Variants in PCDHGA1 observed in about 807,000 individuals in gnomAD.
PCDHGA1 encodes protocadherin gamma-A1.
A neutral mutation model predicts 58.0 loss-of-function variants in PCDHGA1; 32 were observed. The observed-to-expected ratio is 0.55, with a 90% CI of 0.42 to 0.74. The LOEUF (loss-of-function observed/expected upper bound fraction) is 0.74, where lower values mean the gene tolerates loss of function less well. PCDHGA1 is among the 30% of genes least tolerant of loss of function. PCDHGA1 has a pLI of 0.00. For synonymous variants in PCDHGA1, 498 were observed against 501.1 expected (o/e 0.99, Z 0.08); for missense variants, 1,205 against 1,182.3 (o/e 1.02, Z -0.28).
chr5:141,394,177 C>T (rs2092934633), intron 1 of PCDHGA1: 1 of 1,613,912 alleles, frequency 6.2e-7, no homozygotes, highest in East Asian at 2.2e-5. Context: ...TTCCCTCATG[C>T]CTCCTACTCA....
chr5:141,343,332 T>C, intron 1 of PCDHGA1: 1 of 981,772 alleles, frequency 1.0e-6, no homozygotes, highest in South Asian at 4.7e-5. Context: ...TTTTCTTTTT[T>C]TCCTTGTCTC....
chr5:141,340,618 C>T (rs754800627), intron 1 of PCDHGA1: 31 of 1,614,088 alleles, frequency 1.9e-5, no homozygotes, highest in Non-Finnish European at 9.3e-6. Flanking sequence ...TATCATTAAG[C>T]CTGTTCGTGC....
intron 1 of PCDHGA1, chr5:141,355,351 G>C: frequency 1.2e-6 from 2 of 1,614,038 alleles, no homozygotes; most frequent in Non-Finnish European, 1.7e-6. Context: ...CATCGCCAAG[G>C]ACCTGGGGTT....
Position 141,332,553 on chromosome 5 carries a change from G to A in PCDHGA1, c.1869G>A (p.Thr623=), listed in dbSNP as rs757328487. Residue 623 remains threonine, a synonymous_variant, in exon 1 of 4, where the codon ACG becomes ACA. Coordinates refer to ENST00000517417, the MANE Select transcript of PCDHGA1 (RefSeq NM_018912.3). The surrounding 1 kb of genome is among the most constrained non-coding windows in gnomAD (Gnocchi z 4.6). ...GACTCTTCTCGGTGGGTCTGCACAC[G>A]GGCGAGGTGCGCACGGCGCGAGCCC... ...EPGLFSVGLH[T]GEVRTARALL... is the part of the protein sequence containing the mutation. The A allele has an allele frequency of 6.2e-7, 1 of 1,610,394 alleles. No individual in the cohort carries two copies. Among genetic ancestry groups the A allele is most frequent in the South Asian group, 1.1e-5 (1 of 90,820 alleles).
chr5:141,432,281 A>C lies in PCDHGA1; in HGVS notation c.2422-62526A>C, dbSNP rs1313887209. 1 of 1,614,188 alleles carries C rather than the reference A, an allele frequency of 6.2e-7. No individual in the cohort carries two copies. The highest frequency in any genetic ancestry group is 1.1e-5 in the South Asian group (1 of 91,084). On this transcript the variant is annotated intron_variant, in intron 1 of 3. Coordinates refer to ENST00000517417, the MANE Select transcript of PCDHGA1 (RefSeq NM_018912.3). The surrounding 1 kb of genome is among the most constrained non-coding windows in gnomAD (Gnocchi z 6.0). The stretch of plus-strand genomic sequence containing the variant: ...AAGCCTATCGTCCTACGTGTCCATC[A>C]ACTCCGACACTGGGGTACTGTATGC...
chr5:141,418,579 A>G (rs1561774780), intron 1 of PCDHGA1: 1 of 1,614,000 alleles, frequency 6.2e-7, no homozygotes, highest in Admixed American at 1.7e-5. Flanking sequence ...ACAACCCCCC[A>G]GTGTTCAGCC....
chr5:141,431,150 CCTTA>C lies in PCDHGA1; in HGVS notation c.2422-63653_2422-63650del, dbSNP rs1302288904. ...AGTAAGGGACATTAACGACAATGCG[CCTTA>C]CTTTCGTGAAAGTGAATTAGAAATA... On this transcript the variant is annotated intron_variant, in intron 1 of 3. Coordinates refer to ENST00000517417, the MANE Select transcript of PCDHGA1 (RefSeq NM_018912.3). The surrounding 1 kb of genome is among the most constrained non-coding windows in gnomAD (Gnocchi z 4.8). 3 of 1,614,226 alleles carry C rather than the reference CCTTA, an allele frequency of 1.9e-6. No individual in the cohort carries two copies. The highest frequency in any genetic ancestry group is 2.2e-5 in the East Asian group (1 of 44,876).
chr5:141,467,008 A>T (rs1319152720), intron 1 of PCDHGA1, among the ~76,000 whole-genome samples: 1 of 150,270 alleles, frequency 6.7e-6, no homozygotes, highest in African/African-American at 2.4e-5. Context: ...TTGCAATGCA[A>T]TTTTTTTCCC....
chr5:141,430,216 A>G (rs1487666733), intron 1 of PCDHGA1, among the ~76,000 whole-genome samples: 1 of 150,536 alleles, frequency 6.6e-6, no homozygotes, highest in Non-Finnish European at 1.5e-5. Flanking sequence ...TTATTATATT[A>G]TATGATTTGT....
intron 1 of PCDHGA1, chr5:141,399,539 G>A (rs1324095299): frequency 1.2e-6 from 2 of 1,614,050 alleles, no homozygotes; most frequent in Non-Finnish European, 1.7e-6. Flanking sequence ...GCGCAAGTCT[G>A]CGCCTCGGAC....
Position 141,491,636 on chromosome 5 carries a change from C to T in PCDHGA1, c.2422-3171C>T. ...AGACCCCTCAGCGTTCAGCAGCCCA[C>T]AGCTCTGGCGCTGGAGCCTGACGCC... On this transcript the variant is annotated intron_variant, in intron 1 of 3. Coordinates refer to ENST00000517417, the MANE Select transcript of PCDHGA1 (RefSeq NM_018912.3). This position sits in a 1 kb window ranked among gnomAD's most constrained non-coding sequence, Gnocchi z 6.9. 6.2e-7 allele frequency: 1 copy of T among 1,613,922 alleles called. No homozygotes were observed. Among genetic ancestry groups the T allele is most frequent in the Non-Finnish European group, 8.5e-7 (1 of 1,180,020 alleles).
intron 1 of PCDHGA1, chr5:141,427,783 C>T (rs765131117): frequency 1.4e-6 from 2 of 1,460,966 alleles, no homozygotes; most frequent in Non-Finnish European, 1.9e-6. Flanking sequence ...CGGGCACTGT[C>T]GTCCTACGTG....
intron 1 of PCDHGA1, chr5:141,407,971 G>T (rs1399304138): frequency 2.8e-6 from 2 of 717,762 alleles, no homozygotes; most frequent in Non-Finnish European, 4.3e-6. Context: ...AAGCGCTGAC[G>T]CCGGGGATCC....
chr5:141,345,744 G>C (rs780252025), intron 1 of PCDHGA1: 37 of 1,614,082 alleles, frequency 2.3e-5, no homozygotes, highest in Non-Finnish European at 2.9e-5. Context: ...CCCCACAGAC[G>C]GTTCCACTGG....
intron 1 of PCDHGA1, chr5:141,370,952 G>A (rs771842532): frequency 6.2e-7 from 1 of 1,613,990 alleles, no homozygotes; most frequent in East Asian, 2.2e-5. Context: ...AGGAGAACCT[G>A]GATGGCAGTA....
chr5:141,364,281 A>T, intron 1 of PCDHGA1: 2 of 1,516,544 alleles, frequency 1.3e-6, no homozygotes, highest in South Asian at 2.7e-5. Context: ...ATAAATAAGG[A>T]AACAGCAGGC....
intron 1 of PCDHGA1, chr5:141,366,110 G>A (rs780243212): frequency 1.9e-6 from 3 of 1,614,230 alleles, no homozygotes; most frequent in South Asian, 1.1e-5. Flanking sequence ...GGTGGTAGCG[G>A]TGGACAAAGA....
chr5:141,365,181 A>T lies in PCDHGA1; in HGVS notation c.2421+32076A>T, dbSNP rs549713754. ...AAATTGACCTACTCTTTTCGCAATG[A>T]AGAAGAAAAAATTTCGGAGACTTTC... On this transcript the variant is annotated intron_variant, in intron 1 of 3. Transcript: ENST00000517417. The T allele has an allele frequency of 3.0e-5, 48 of 1,613,864 alleles. No homozygotes were observed. The East Asian group carries it at 1.0e-3, about 35-fold the overall frequency.
Position 141,481,350 on chromosome 5 carries a change from T to C in PCDHGA1, c.2422-13457T>C, listed in dbSNP as rs901892475. Among the ~76,000 whole-genome samples, 4 of 152,248 alleles carry C rather than the reference T, an allele frequency of 2.6e-5. No homozygotes were observed. The South Asian group carries it at 8.3e-4, about 32-fold the overall frequency. On this transcript the variant is annotated intron_variant, in intron 1 of 3. Coordinates refer to ENST00000517417, the MANE Select transcript of PCDHGA1 (RefSeq NM_018912.3). The stretch of plus-strand genomic sequence containing the variant: ...CCTGGACAACTATTATTTAAACATC[T>C]ACAGCTGTTCAATAGATATTGGGTT...
Sources: gnomAD v4.1 joint callset for allele counts (sites outside exome capture counted in the v4.1 genomes callset) on GRCh38, gnomAD v4.1.1 for gene constraint, Gnocchi (gnomAD v3.1) non-coding constraint, MANE v1.5 for transcripts, NCBI Gene and HGNC (gene_info 2026-07-23, HGNC 2026-07-21) for gene names.